The following FGF12 variants were observed in gnomAD, a reference collection of about 807,000 sequenced individuals.
FGF12 encodes fibroblast growth factor 12.
Under a neutral mutation model 23.6 loss-of-function variants are expected in FGF12, and 14 were observed. The observed-to-expected ratio is 0.59, with a 90% confidence interval of 0.39 to 0.93. The LOEUF is 0.93. Among genes scored for constraint, FGF12 ranks in the 40% least tolerant of loss-of-function variants. FGF12 has a pLI of 0.00. For missense variants in FGF12, 175 were observed against 217.8 expected, an observed-to-expected ratio of 0.80 and a Z score of 1.24; for synonymous variants, 62 against 77.3, an observed-to-expected ratio of 0.80 and a Z score of 1.04.
chr3:192,149,305 G>A (rs181470722), intron 5 of FGF12, among the ~76,000 whole-genome samples: 139 of 129,482 alleles, frequency 1.1e-3, no homozygotes, highest in African/African-American at 3.8e-3. Flanking sequence ...ATGACTGGCA[G>A]CATTTGAACC....
chr3:192,592,103 T>A (rs1713651247), intron 2 of FGF12, among the ~76,000 whole-genome samples: 1 of 151,848 alleles, frequency 6.6e-6, no homozygotes, highest in African/African-American at 2.4e-5. Context: ...ACCTGGATAC[T>A]TTTACCTAGT....
At chr3:192,299,048 C>T (rs550798038) in intron 4 of FGF12, among the ~76,000 whole-genome samples, 113 of 152,304 alleles carry the variant, frequency 7.4e-4, no homozygotes, top group Non-Finnish European at 1.4e-3. Context: ...CCCACCAGGC[C>T]CCGCCTCCAA....
intron 1 of FGF12, 28 bp downstream of exon 1, chr3:192,727,456 G>A (rs1252476896): frequency 1.1e-5 from 10 of 886,352 alleles, no homozygotes; most frequent in African/African-American, 1.8e-5. Context: ...CACAGTGCCC[G>A]CTCAGATTTT....
chr3:192,426,663 A>G (rs920853798), intron 2 of FGF12, among the ~76,000 whole-genome samples: 1 of 152,202 alleles, frequency 6.6e-6, no homozygotes, highest in African/African-American at 2.4e-5. Flanking sequence ...AAAGTGTAAT[A>G]CAAAAGAAAG....
intron 2 of FGF12, among the ~76,000 whole-genome samples, chr3:192,491,947 T>A (rs562129214): frequency 6.6e-6 from 1 of 152,244 alleles, no homozygotes; most frequent in Non-Finnish European, 1.5e-5. Flanking sequence ...TAAGTTGAGC[T>A]CAAACACAAT....
chr3:192,382,170 G>A (rs924937786), intron 2 of FGF12, among the ~76,000 whole-genome samples: 3 of 151,934 alleles, frequency 2.0e-5, no homozygotes, highest in Non-Finnish European at 2.9e-5. Context: ...CTAATTTTTT[G>A]TATTTTTCGT....
chr3:192,568,021 TG>T (rs1415979347), intron 2 of FGF12, among the ~76,000 whole-genome samples: 2 of 151,808 alleles, frequency 1.3e-5, no homozygotes, highest in Non-Finnish European at 2.9e-5. Flanking sequence ...TTAATAGAGA[TG>T]GGGTTTCACC....
intron 5 of FGF12, among the ~76,000 whole-genome samples, chr3:192,167,757 ATATATATATAT>A (rs1715276380): frequency 1.3e-4 from 4 of 30,578 alleles, no homozygotes; most frequent in African/African-American, 5.8e-4. Flanking sequence ...ATATATATAT[ATATATATATAT>A]AAAATTTTTT....
intron 2 of FGF12, among the ~76,000 whole-genome samples, chr3:192,528,634 G>T (rs529851468): frequency 1.3e-5 from 2 of 152,294 alleles, no homozygotes; most frequent in South Asian, 2.1e-4. Flanking sequence ...CCCTAGCAGA[G>T]GTTCTCTATG....
chr3:192,207,963 G>A (rs1352529198), intron 4 of FGF12, among the ~76,000 whole-genome samples: 2 of 152,138 alleles, frequency 1.3e-5, no homozygotes, highest in Non-Finnish European at 1.5e-5. Flanking sequence ...ATAAATTACA[G>A]GGTAATTATT....
At chr3:192,278,209 C>T (rs1713921981) in intron 4 of FGF12, among the ~76,000 whole-genome samples, 1 of 152,124 alleles carries the variant, frequency 6.6e-6, no homozygotes, top group African/African-American at 2.4e-5. Flanking sequence ...TTGACTAAGG[C>T]ATCAGGGAAT....
At chr3:192,662,339 T>C (rs1716701327) in intron 2 of FGF12, among the ~76,000 whole-genome samples, 2 of 152,202 alleles carry the variant, frequency 1.3e-5, no homozygotes, top group South Asian at 4.1e-4. Context: ...CACCATTCAT[T>C]TTCATTACAG....
intron 4 of FGF12, among the ~76,000 whole-genome samples, chr3:192,270,201 C>T (rs1233513150): frequency 6.6e-6 from 1 of 152,090 alleles, no homozygotes; most frequent in Non-Finnish European, 1.5e-5. Flanking sequence ...TAAAGCTTTT[C>T]CTGATGGTCT....
chr3:192,577,065 G>A (rs1051847903), intron 2 of FGF12, among the ~76,000 whole-genome samples: 3 of 152,112 alleles, frequency 2.0e-5, no homozygotes, highest in Non-Finnish European at 4.4e-5. Flanking sequence ...GCGGGTGGGG[G>A]ACTAGGGGAG....
chr3:192,649,617 A>C (rs1716138416), intron 2 of FGF12, among the ~76,000 whole-genome samples: 1 of 151,972 alleles, frequency 6.6e-6, no homozygotes, highest in African/African-American at 2.4e-5. Context: ...ATACAGTGCC[A>C]TCTTGGCTCA....
At chr3:192,583,644 A>C (rs2108616175) in intron 2 of FGF12, among the ~76,000 whole-genome samples, 1 of 152,296 alleles carries the variant, frequency 6.6e-6, no homozygotes, top group Middle Eastern at 3.4e-3. Flanking sequence ...ACTTCATCCT[A>C]CCTACAATTG....
intron 4 of FGF12, among the ~76,000 whole-genome samples, chr3:192,261,784 C>T (rs945374722): frequency 1.3e-4 from 20 of 152,182 alleles, no homozygotes; most frequent in Admixed American, 3.3e-4. Flanking sequence ...TAGAGTCAGA[C>T]GAGGAAAACT....
intron 4 of FGF12, among the ~76,000 whole-genome samples, chr3:192,283,920 C>T (rs904215814): frequency 2.0e-5 from 3 of 152,046 alleles, no homozygotes; most frequent in African/African-American, 7.2e-5. Flanking sequence ...CTGAAATTCT[C>T]CTTCTTTCCT....
At chr3:192,431,039 G>A (rs189686124) in intron 2 of FGF12, among the ~76,000 whole-genome samples, 47 of 152,228 alleles carry the variant, frequency 3.1e-4, no homozygotes, top group African/African-American at 1.1e-3. Flanking sequence ...CTTTCTCCAA[G>A]CACCAGATAT....
Sources: gnomAD v4.1 joint callset for allele counts (sites outside exome capture counted in the v4.1 genomes callset) on GRCh38, gnomAD v4.1.1 for gene constraint, MANE v1.5 for transcripts, NCBI Gene and HGNC (gene_info 2026-07-23, HGNC 2026-07-21) for gene names.